Variants in RGS9 observed in about 807,000 individuals in gnomAD.
RGS9 encodes the protein regulator of G protein signaling 9.
A neutral mutation model predicts 102.0 loss-of-function variants in RGS9; 78 were observed. The observed-to-expected ratio is 0.76, with a 90% CI of 0.64 to 0.92. The LOEUF is 0.92. RGS9 is among the 40% of genes least tolerant of loss of function. RGS9 has a pLI of 0.00. For synonymous variants in RGS9, 353 were observed against 318.6 expected (o/e 1.11, Z -1.15); for missense variants, 833 against 866.1 (o/e 0.96, Z 0.48).
At chr17:65,163,822 C>T (rs1005399775) in intron 7 of RGS9, among the ~76,000 whole-genome samples, 1 of 152,148 alleles carries the variant, frequency 6.6e-6, no homozygotes, top group Admixed American at 6.5e-5. Context: ...CTTGCAGCTG[C>T]ATCTGAGAGT....
chr17:65,223,257 AC>A (rs1421829221), intron 17 of RGS9, among the ~76,000 whole-genome samples: 2 of 152,232 alleles, frequency 1.3e-5, no homozygotes, highest in South Asian at 2.1e-4. Flanking sequence ...GATTGTTATT[AC>A]TATAATAACC....
chr17:65,196,230 A>C lies in RGS9; in HGVS notation c.861-896A>C, dbSNP rs1230345439. ...AATGCTTTGTGAATGGCAGTTGTTA[A>C]TGTTATCAGTTTTCTTATTGTTTGT... On this transcript the variant is annotated intron_variant, in intron 12 of 18. Coordinates refer to ENST00000262406, the MANE Select transcript of RGS9 (RefSeq NM_003835.4). Among the ~76,000 whole-genome samples the C allele has an allele frequency of 2.2e-4, 33 of 152,208 alleles. 1 individual carries two copies. The highest frequency in any genetic ancestry group is 2.2e-4 in the Non-Finnish European group (15 of 68,042).
intron 14 of RGS9, among the ~76,000 whole-genome samples, chr17:65,203,834 A>T (rs1372329546): frequency 1.3e-5 from 2 of 152,238 alleles, no homozygotes; most frequent in African/African-American, 4.8e-5. Context: ...ATCCTGGTGC[A>T]GAAGGTGTGA....
At chr17:65,164,231 C>T (rs976392836) in intron 7 of RGS9, among the ~76,000 whole-genome samples, 1 of 152,120 alleles carries the variant, frequency 6.6e-6, no homozygotes, top group Non-Finnish European at 1.5e-5. Context: ...GACATGCTTT[C>T]CCCACTTCCA....
intron 17 of RGS9, among the ~76,000 whole-genome samples, chr17:65,215,544 C>CTTTCTTTCTTTCT (rs1555617668): frequency 1.9e-5 from 2 of 105,146 alleles, no homozygotes; most frequent in African/African-American, 4.3e-5. Flanking sequence ...TTCTTTCTTT[C>CTTTCTTTCTTTCT]TTTTTTTTTG....
intron 1 of RGS9, among the ~76,000 whole-genome samples, chr17:65,145,656 A>G (rs1910330537): frequency 6.6e-6 from 1 of 151,698 alleles, no homozygotes; most frequent in African/African-American, 2.4e-5. Context: ...CAGCCTCCCA[A>G]ATTGCTGGGA....
At chr17:65,155,980 C>T (rs112064745) in intron 2 of RGS9, among the ~76,000 whole-genome samples, 8 of 152,260 alleles carry the variant, frequency 5.3e-5, no homozygotes, top group African/African-American at 1.9e-4. Context: ...GCTTGAATTT[C>T]AGCCCAGCAA....
At chr17:65,192,255 A>G (rs1200183373) in intron 11 of RGS9, among the ~76,000 whole-genome samples, 1 of 152,160 alleles carries the variant, frequency 6.6e-6, no homozygotes, top group African/African-American at 2.4e-5. Context: ...ATATAAAGTA[A>G]AACAGAGGTT....
chr17:65,201,570 G>A (rs774707748), intron 13 of RGS9, among the ~76,000 whole-genome samples: 4 of 152,190 alleles, frequency 2.6e-5, no homozygotes, highest in Non-Finnish European at 4.4e-5. Context: ...ATTCATGTGC[G>A]AGCTCGTTCA....
chr17:65,188,529 C>T (rs1323085406), intron 9 of RGS9, among the ~76,000 whole-genome samples: 2 of 152,192 alleles, frequency 1.3e-5, no homozygotes, highest in South Asian at 4.1e-4. Flanking sequence ...TGCATCTCAC[C>T]ATTGCTTCAG....
intron 17 of RGS9, among the ~76,000 whole-genome samples, chr17:65,217,007 G>C (rs1164479290): frequency 6.6e-6 from 1 of 152,150 alleles, no homozygotes; most frequent in Non-Finnish European, 1.5e-5. Flanking sequence ...AAGGCTAAGA[G>C]GGAAGCTTGG....
chr17:65,163,073 G>T lies in RGS9; in HGVS notation c.484G>T (p.Ala162Ser), dbSNP rs748963302. ...NYKWDFVIMQ[A>S]KEQYRAGKER... Reference sequence around the variant, plus strand: ...TAAGTGGGACTTTGTCATTATGCAGGCCAAAGAGCAGTACAGGTGAGTGAA... The same window carrying T: ...TAAGTGGGACTTTGTCATTATGCAGTCCAAAGAGCAGTACAGGTGAGTGAA... Residue 162 changes from alanine (A) to serine (S), a missense_variant, in exon 7 of 19, where the codon GCC becomes TCC. Around this residue, in one of 3 missense-constraint regions of RGS9, gnomAD observed 328 missense variants for 340.6 expected, o/e 0.96. Transcript: ENST00000262406. 4 of 1,599,840 alleles carry T rather than the reference G, an allele frequency of 2.5e-6. No homozygotes were observed. Among genetic ancestry groups the T allele is most frequent in the Non-Finnish European group, 3.4e-6 (4 of 1,168,824 alleles).
rs1032398796 is a variant in RGS9 at position 65,167,747 on chromosome 17, C to T, written c.501-453C>T. Among the ~76,000 whole-genome samples, 50 of 152,120 alleles carry T rather than the reference C, an allele frequency of 3.3e-4. 1 individual carries two copies. The highest frequency in any genetic ancestry group is 1.3e-4 in the Admixed American group (2 of 15,264). On this transcript the variant is annotated intron_variant, in intron 7 of 18. Transcript: ENST00000262406. ...GTCGACCCGGAAGTTCACCCATGCG[C>T]GCTGCTCTCTAATGTTGAAGTTGGT...
intron 17 of RGS9, among the ~76,000 whole-genome samples, chr17:65,212,274 C>T (rs1387973981): frequency 1.3e-5 from 2 of 152,142 alleles, no homozygotes; most frequent in African/African-American, 4.8e-5. Context: ...TTCAAAGTCT[C>T]GTTGCAAAAG....
intron 13 of RGS9, among the ~76,000 whole-genome samples, chr17:65,201,662 A>G (rs1912851565): frequency 6.6e-6 from 1 of 152,226 alleles, no homozygotes. Context: ...TGGCCTGTGT[A>G]TTGTTGGAGG....
At chr17:65,163,686 G>A (rs1911071825) in intron 7 of RGS9, among the ~76,000 whole-genome samples, 1 of 152,148 alleles carries the variant, frequency 6.6e-6, no homozygotes, top group Admixed American at 6.5e-5. Flanking sequence ...CCTGGGGAAT[G>A]CATAGGAGGG....
chr17:65,223,752 C>CCT (rs1905471184), intron 17 of RGS9, among the ~76,000 whole-genome samples: 1 of 137,594 alleles, frequency 7.3e-6, no homozygotes, highest in African/African-American at 2.7e-5. Flanking sequence ...TCATGCCAGG[C>CCT]TTTTTTTTTT....
chr17:65,173,451 G>A lies in RGS9; in HGVS notation c.583-4281G>A, dbSNP rs1220715884. On this transcript the variant is annotated intron_variant, in intron 8 of 18. Coordinates refer to ENST00000262406, the MANE Select transcript of RGS9 (RefSeq NM_003835.4). The surrounding 1 kb of genome is among the most constrained non-coding windows in gnomAD (Gnocchi z 4.8). ...GTTCCTGGGAACATCGCCTCCTCAC[G>A]AGCAGTTGTCACGAGTACAGGAGCT... Among the ~76,000 whole-genome samples the A allele has an allele frequency of 6.6e-6, 1 of 151,840 alleles. No individual in the cohort carries two copies. The highest frequency in any genetic ancestry group is 1.5e-5 in the Non-Finnish European group (1 of 68,010).
intron 18 of RGS9, among the ~76,000 whole-genome samples, chr17:65,226,434 C>A (rs1905683055): frequency 6.6e-6 from 1 of 152,044 alleles, no homozygotes; most frequent in Non-Finnish European, 1.5e-5. Context: ...ACTCTAGTTG[C>A]CTTAGGAGAA....
Sources: allele counts gnomAD v4.1 joint callset (sites outside exome capture counted in the v4.1 genomes callset), GRCh38; gene constraint gnomAD v4.1.1; regional missense constraint gnomAD v4.1.1; non-coding constraint Gnocchi (gnomAD v3.1); transcripts MANE v1.5; gene names NCBI Gene and HGNC (gene_info 2026-07-23, HGNC 2026-07-21).